The following ATP8A1 variants were observed in gnomAD, a reference collection of about 807,000 sequenced individuals.
ATP8A1 encodes the protein ATPase phospholipid transporting 8A1.
Under a neutral mutation model 177.7 loss-of-function variants are expected in ATP8A1, and 90 were observed. That is an observed-to-expected ratio of 0.51 (90% confidence interval 0.43 to 0.60). ATP8A1 has a LOEUF of 0.60. Among genes scored for constraint, ATP8A1 ranks in the 20% least tolerant of loss-of-function variants. ATP8A1 has a pLI of 0.00. For missense variants in ATP8A1, 1,072 were observed against 1,392.8 expected (o/e 0.77, Z 3.67); for synonymous variants, 493 against 485.9 (o/e 1.01, Z -0.19).
intron 20 of ATP8A1, among the ~76,000 whole-genome samples, chr4:42,527,189 T>G (rs1469479803): frequency 6.6e-6 from 1 of 152,160 alleles, no homozygotes; most frequent in Non-Finnish European, 1.5e-5. Context: ...GAGTCTTATC[T>G]CCTGCAGGGA....
intron 32 of ATP8A1, 103 bp downstream of exon 32, chr4:42,444,475 T>C (rs1716994109): frequency 8.9e-7 from 1 of 1,129,550 alleles, no homozygotes; most frequent in African/African-American, 1.5e-5. Flanking sequence ...CTAGGACATA[T>C]TAACCTGGGA....
At chr4:42,515,004 TA>T (rs1213339202) in intron 22 of ATP8A1, among the ~76,000 whole-genome samples, 1 of 152,212 alleles carries the variant, frequency 6.6e-6, no homozygotes, top group Non-Finnish European at 1.5e-5. Flanking sequence ...TTATTCACAT[TA>T]TAAAATGCAA....
chr4:42,522,855 G>A (rs1318441709), intron 21 of ATP8A1, among the ~76,000 whole-genome samples: 2 of 152,100 alleles, frequency 1.3e-5, no homozygotes, highest in Non-Finnish European at 2.9e-5. Context: ...CTCCTACAGC[G>A]TGAGTGACAA....
At chr4:42,495,283 G>A (rs1034328581) in intron 24 of ATP8A1, among the ~76,000 whole-genome samples, 4 of 152,202 alleles carry the variant, frequency 2.6e-5, no homozygotes, top group African/African-American at 9.6e-5. Flanking sequence ...GACAATGTTA[G>A]CACGTTCTTA....
chr4:42,617,346 T>A (rs1737025988), intron 4 of ATP8A1, among the ~76,000 whole-genome samples: 1 of 152,140 alleles, frequency 6.6e-6, no homozygotes, highest in Admixed American at 6.5e-5. Flanking sequence ...AGGAACACAA[T>A]CAGAACTCCT....
At chr4:42,606,779 A>T (rs1735835531) in intron 5 of ATP8A1, among the ~76,000 whole-genome samples, 1 of 152,126 alleles carries the variant, frequency 6.6e-6, no homozygotes, top group African/African-American at 2.4e-5. Context: ...TATTCACATG[A>T]TTGTACCCTG....
chr4:42,579,150 A>AG (rs1181391486), intron 11 of ATP8A1, among the ~76,000 whole-genome samples: 1 of 151,894 alleles, frequency 6.6e-6, no homozygotes, highest in Non-Finnish European at 1.5e-5. Context: ...AGAAATATCC[A>AG]GGGGTGGTAC....
intron 25 of ATP8A1, among the ~76,000 whole-genome samples, chr4:42,468,262 A>G (rs116364352): frequency 0.17 from 25,529 of 152,206 alleles, 2,392 homozygotes; most frequent in South Asian, 0.24. Context: ...ATTATACAAA[A>G]AAGCTACTGG....
intron 1 of ATP8A1, among the ~76,000 whole-genome samples, chr4:42,640,915 G>T (rs1418416977): frequency 2.0e-5 from 3 of 151,776 alleles, no homozygotes; most frequent in Admixed American, 1.3e-4. Context: ...ATCACGGACA[G>T]GTGGGCTGGA....
chr4:42,486,898 C>A (rs1389201021), intron 24 of ATP8A1, among the ~76,000 whole-genome samples: 2 of 152,276 alleles, frequency 1.3e-5, no homozygotes, highest in South Asian at 2.1e-4. Flanking sequence ...TAGGTTTGTG[C>A]AAGTACCCTC....
chr4:42,463,171 T>C, intron 27 of ATP8A1, among the ~76,000 whole-genome samples: 1 of 152,182 alleles, frequency 6.6e-6, no homozygotes, highest in Non-Finnish European at 1.5e-5. Flanking sequence ...AATGATTGGT[T>C]TGGAAATGTG....
At chr4:42,622,369 G>A (rs1200413385) in intron 4 of ATP8A1, among the ~76,000 whole-genome samples, 2 of 151,684 alleles carry the variant, frequency 1.3e-5, no homozygotes, top group African/African-American at 4.8e-5. Flanking sequence ...GCAACAGAGT[G>A]ATAATCCATC....
At chr4:42,554,435 G>C (rs1729842059) in intron 16 of ATP8A1, among the ~76,000 whole-genome samples, 1 of 152,200 alleles carries the variant, frequency 6.6e-6, no homozygotes, top group Non-Finnish European at 1.5e-5. Flanking sequence ...GAGAATCCAA[G>C]AGGGAAGAGG....
intron 20 of ATP8A1, among the ~76,000 whole-genome samples, 159 bp downstream of exon 20, chr4:42,543,758 C>T (rs1728624606): frequency 6.6e-6 from 1 of 152,210 alleles, no homozygotes; most frequent in African/African-American, 2.4e-5. Context: ...TTCCACATTT[C>T]ACCAGAAGAG....
intron 35 of ATP8A1, among the ~76,000 whole-genome samples, chr4:42,417,625 ATGG>A (rs1713394799): frequency 6.6e-6 from 1 of 152,252 alleles, no homozygotes; most frequent in African/African-American, 2.4e-5. Context: ...AAACCAATTC[ATGG>A]TTCTGGAATG....
intron 1 of ATP8A1, among the ~76,000 whole-genome samples, chr4:42,634,801 G>C (rs953894571): frequency 3.9e-5 from 6 of 152,124 alleles, no homozygotes; most frequent in Non-Finnish European, 7.4e-5. Flanking sequence ...AAAATAAATA[G>C]GCTATGTAGT....
intron 15 of ATP8A1, among the ~76,000 whole-genome samples, chr4:42,560,535 GTTT>G (rs1273766559): frequency 1.3e-5 from 2 of 151,268 alleles, no homozygotes; most frequent in African/African-American, 4.9e-5. Context: ...TGTTGTGTGG[GTTT>G]TTGTTTTGTT....
At chr4:42,539,858 C>G (rs1023541760) in intron 20 of ATP8A1, among the ~76,000 whole-genome samples, 2 of 151,844 alleles carry the variant, frequency 1.3e-5, no homozygotes, top group Admixed American at 1.3e-4. Flanking sequence ...AGAAGAAAAC[C>G]TAGGGAAAAC....
intron 33 of ATP8A1, among the ~76,000 whole-genome samples, chr4:42,425,574 A>G (rs1309871704): frequency 6.6e-6 from 1 of 152,146 alleles, no homozygotes; most frequent in East Asian, 1.9e-4. Flanking sequence ...GGGGGGGAAA[A>G]ATAAAATCCC....
Sources: allele counts gnomAD v4.1 joint callset (sites outside exome capture counted in the v4.1 genomes callset), GRCh38; gene constraint gnomAD v4.1.1; transcripts MANE v1.5; gene names NCBI Gene and HGNC (gene_info 2026-07-23, HGNC 2026-07-21).